Variants in CTU2 observed in about 807,000 individuals in gnomAD.
The protein encoded by CTU2 is cytosolic thiouridylase subunit 2, also known as cytoplasmic tRNA 2-thiolation protein 2.
CTU2 carries 80 observed loss-of-function variants against 64.1 expected under a neutral mutation model. The observed-to-expected ratio is 1.25, with a 90% CI of 1.04 to 1.50. CTU2 has a LOEUF of 1.50. Among genes scored for constraint, CTU2 ranks in the 40% most tolerant of loss-of-function variants. The pLI is 0.00. For synonymous variants in CTU2, 482 were observed against 285.3 expected, an observed-to-expected ratio of 1.69 and a Z score of -6.95; for missense variants, 1,110 against 690.2, an observed-to-expected ratio of 1.61 and a Z score of -6.81.
Position 88,710,254 on chromosome 16 carries a change from C to T in CTU2, c.254C>T (p.Ser85Phe), listed in dbSNP as rs767489235. 1 of 1,614,096 alleles carries T rather than the reference C, an allele frequency of 6.2e-7. No individual in the cohort carries two copies. The highest frequency in any genetic ancestry group is 8.5e-7 in the Non-Finnish European group (1 of 1,180,004). The change falls in exon 4 of 15, where the codon TCC becomes TTC. Residue 85 changes from serine to phenylalanine, a missense_variant. Ser to Phe is a radical substitution (Grantham distance 155). Coordinates refer to ENST00000453996, the MANE Select transcript of CTU2 (RefSeq NM_001012759.3). ...VLLAWSGGPSSSSMVWQVLEG... is the reference protein window; with the variant it reads ...VLLAWSGGPSFSSMVWQVLEG... ...TTGGCGTGGTCTGGGGGGCCTTCGT[C>T]CAGCTCCATGGTCTGGCAGGTTCTT...
chr16:88,715,111 TG>T lies in CTU2; in HGVS notation c.1478+9del. On this transcript the variant is annotated splice_donor_region_variant and intron_variant, in intron 14 of 14. Coordinates refer to ENST00000453996, the MANE Select transcript of CTU2 (RefSeq NM_001012759.3). ...GGCCCAGCTCCGCACACAGAGGTAC[TG>T]GGGCCCACACTGCCGTGGCGCGTGG... is the stretch of plus-strand genomic sequence containing the variant. The T allele has an allele frequency of 6.3e-7, 1 of 1,593,668 alleles. No individual in the cohort carries two copies. Among genetic ancestry groups the T allele is most frequent in the Non-Finnish European group, 8.5e-7 (1 of 1,170,078 alleles).
Position 88,713,340 on chromosome 16 carries a change from G to C in CTU2, c.766G>C (p.Ala256Pro), listed in dbSNP as rs1214937643. The C allele has an allele frequency of 6.3e-7, 1 of 1,597,990 alleles. No homozygotes were observed. The highest frequency in any genetic ancestry group is 1.7e-5 in the Admixed American group (1 of 58,538). ...CCACCTGATCCTCCACATGGCCCGA[G>C]CCCACGGCTACTCCAAGGTCATGAC... The part of the protein sequence containing the change: ...RTHLILHMAR[A>P]HGYSKVMTGD... Residue 256 changes from alanine to proline, a missense_variant, in exon 8 of 15, where the codon GCC becomes CCC. Transcript: ENST00000453996.
intron 14 of CTU2, 27 bp from the exon 15 acceptor site, chr16:88,715,155 T>C: frequency 2.5e-6 from 4 of 1,610,726 alleles, no homozygotes; most frequent in South Asian, 1.1e-5. Flanking sequence ...GCCTCGGGGC[T>C]GGTGCCCACT....
intron 2 of CTU2, among the ~76,000 whole-genome samples, chr16:88,707,808 TG>T (rs1911004285): frequency 1.3e-4 from 4 of 30,662 alleles, no homozygotes; most frequent in African/African-American, 4.3e-4. Flanking sequence ...TTGTTGTTGT[TG>T]TTGTTTTTTT....
intron 10 of CTU2, 28 bp downstream of exon 10, chr16:88,714,255 G>T (rs754958017): frequency 1.3e-6 from 2 of 1,598,906 alleles, no homozygotes; most frequent in South Asian, 1.1e-5. Context: ...TGTGTGCGGG[G>T]GGTGCGCGGG....
rs199536062 is a variant in CTU2, at chr16:88,713,693, T to G, written c.920T>G (p.Met307Arg). ...RHGDVVVVRPMRDHTLKEVAF... is the reference protein window; with the variant it reads ...RHGDVVVVRPRRDHTLKEVAF... ...GGGGACGTGGTGGTGGTGCGGCCCATGCGGGACCACACCCTGAAGGAGGTC... is the reference window on the plus strand; with the variant it reads ...GGGGACGTGGTGGTGGTGCGGCCCAGGCGGGACCACACCCTGAAGGAGGTC... Residue 307 changes from methionine (M) to arginine (R), a missense_variant, in exon 9 of 15, where the codon ATG (methionine) becomes AGG (arginine). Coordinates refer to ENST00000453996, the MANE Select transcript of CTU2 (RefSeq NM_001012759.3). The G allele has an allele frequency of 2.2e-5, 36 of 1,612,456 alleles. No individual in the cohort carries two copies. The highest frequency in any genetic ancestry group is 2.8e-5 in the Non-Finnish European group (33 of 1,179,868).
In CTU2 at chr16:88,714,132, C is replaced by G. The variant is rs906897106; in HGVS notation, c.1006-4C>G. 5.0e-6 allele frequency: 8 copies of G among 1,612,380 alleles called. No individual in the cohort carries two copies. In the African/African-American group the frequency reaches 9.3e-5, roughly 19 times the overall value. ...CCCATAGCCTCCAATCTGATTGTCC[C>G]TAGGCCCCTGAAAAGGCCAGCATCC... On this transcript the variant is annotated splice_polypyrimidine_tract_variant and splice_region_variant and intron_variant, in intron 9 of 14. Transcript: ENST00000453996.
intron 5 of CTU2, 150 bp downstream of exon 5, chr16:88,711,845 G>C (rs983609482): frequency 1.4e-6 from 1 of 697,214 alleles, no homozygotes. Flanking sequence ...TGAGGGCCTG[G>C]TGGGGACATC....
At position 88,715,281 on chromosome 16, in the gene CTU2, G is replaced by C. The variant is rs1182504037; in HGVS notation, c.*30G>C. 1 of 1,605,106 alleles carries C rather than the reference G, an allele frequency of 6.2e-7. No homozygotes were observed. Among genetic ancestry groups the C allele is most frequent in the Admixed American group, 1.7e-5 (1 of 59,578 alleles). On this transcript the variant is annotated 3_prime_UTR_variant, in exon 15 of 15. Coordinates refer to ENST00000453996, the MANE Select transcript of CTU2 (RefSeq NM_001012759.3). ...GAGGACGTGCTTGCCGGGACAGCAG[G>C]CAGTGGCCACCTGGTACACCACACT...
intron 2 of CTU2, chr16:88,709,634 C>T: frequency 2.4e-6 from 1 of 416,514 alleles, no homozygotes; most frequent in Non-Finnish European, 4.4e-6. Flanking sequence ...CAGCTGGGCC[C>T]TTCTGAGCGC....
In CTU2 at chr16:88,706,552, T is replaced by C; in HGVS notation, c.22T>C (p.Tyr8His). ...GCCCATGTGTCAGGTGGGCGAGGAC[T>C]ACGGGGAGCCGGCGCCTGAGGAGCC... is the stretch of plus-strand genomic sequence containing the variant. Reference protein sequence around the residue: MCQVGEDYGEPAPEEPPP... With the variant: MCQVGEDHGEPAPEEPPP... Residue 8 changes from tyrosine (Y) to histidine (H), a missense_variant, in exon 1 of 15, where the codon TAC (tyrosine) becomes CAC (histidine). Transcript: ENST00000453996. 6.9e-7 allele frequency: 1 copy of C among 1,459,338 alleles called. No individual in the cohort carries two copies. Among genetic ancestry groups the C allele is most frequent in the Non-Finnish European group, 9.0e-7 (1 of 1,112,772 alleles). The allele number at this position is 1,459,338 out of a possible 1,614,324, so 90.4% of individuals were successfully genotyped here.
intron 9 of CTU2, 83 bp from the exon 10 acceptor site, chr16:88,714,053 C>T (rs1036076265): frequency 9.5e-6 from 13 of 1,373,256 alleles, no homozygotes; most frequent in Non-Finnish European, 1.3e-5. Flanking sequence ...GCGTGGAACC[C>T]ACGGCACCTG....
At position 88,712,785 on chromosome 16, in the gene CTU2, C is replaced by A; in HGVS notation, c.617C>A (p.Pro206His). 3 of 1,607,908 alleles carry A rather than the reference C, an allele frequency of 1.9e-6. No homozygotes were observed. The highest frequency in any genetic ancestry group is 2.5e-6 in the Non-Finnish European group (3 of 1,177,816). The change falls in exon 7 of 15, where the codon CCC (proline) becomes CAC (histidine). Residue 206 changes from proline (P) to histidine (H), a missense_variant. By Grantham distance (77) the Pro-to-His change is moderately conservative. Transcript: ENST00000453996. ...PTQGEEQPPQPPLDPQNLARP... is the reference protein window; with the variant it reads ...PTQGEEQPPQHPLDPQNLARP... ...CAAGGGGAGGAACAGCCACCCCAGC[C>A]CCCGCTGGACCCCCAGAACCTGGCA... is the stretch of plus-strand genomic sequence containing the variant.
intron 2 of CTU2, among the ~76,000 whole-genome samples, chr16:88,707,671 A>T (rs1348430926): frequency 6.6e-6 from 1 of 152,050 alleles, no homozygotes; most frequent in African/African-American, 2.4e-5. Context: ...GGCGCTTGTC[A>T]TGTCTTTCTT....
At chr16:88,711,198 C>A (rs2142717501) in intron 4 of CTU2, among the ~76,000 whole-genome samples, 1 of 152,286 alleles carries the variant, frequency 6.6e-6, no homozygotes, top group Middle Eastern at 3.4e-3. Flanking sequence ...CTGGCCCAGC[C>A]CTCTGTGTAA....
rs370661454 is a variant in CTU2 at position 88,714,411 on chromosome 16, C to A, written c.1126C>A (p.Arg376=). 6.2e-7 allele frequency: 1 copy of A among 1,612,520 alleles called. No homozygotes were observed. The highest frequency in any genetic ancestry group is 8.5e-7 in the Non-Finnish European group (1 of 1,179,832). Residue 376 remains arginine (R), a synonymous_variant, in exon 11 of 15, where the codon CGG becomes AGG. Transcript: ENST00000453996. ...AAGTGAGAAGCTGGTGAAGGGCCCC[C>A]GGGATGGCCCTGCTGCTGGCGACTC... ...RTSEKLVKGP[R]DGPAAGDSGP...
Position 88,706,586 on chromosome 16 carries a change from C to G in CTU2, c.56C>G (p.Ala19Gly). Residue 19 changes from alanine (A) to glycine (G), a missense_variant, in exon 1 of 15, where the codon GCG becomes GGG. By Grantham distance (60) the Ala-to-Gly change is moderately conservative. Transcript: ENST00000453996. ...GEPAPEEPPP[A>G]PRPSREQKCV... is the part of the protein sequence containing the mutation. ...CCGGCGCCTGAGGAGCCGCCCCCGGCGCCGCGGCCCAGGTAAGAGCTGGCG... is the reference window on the plus strand; with the variant it reads ...CCGGCGCCTGAGGAGCCGCCCCCGGGGCCGCGGCCCAGGTAAGAGCTGGCG... 6.9e-7 allele frequency: 1 copy of G among 1,452,726 alleles called. No homozygotes were observed. The highest frequency in any genetic ancestry group is 9.0e-7 in the Non-Finnish European group (1 of 1,109,634). 90.0% of individuals were successfully genotyped at this position (1,452,726 alleles called of 1,614,324 possible).
At position 88,714,427 on chromosome 16, in the gene CTU2, C is replaced by T. The variant is rs1436959668; in HGVS notation, c.1142C>T (p.Ala381Val). The change falls in exon 11 of 15, where the codon GCT becomes GTT. Residue 381 changes from alanine to valine, a missense_variant. Ala to Val is a moderately conservative substitution (Grantham distance 64). Transcript: ENST00000453996. ...AAGGGCCCCCGGGATGGCCCTGCTG[C>T]TGGCGACTCCGGCCCCCGCTGCCTC... ...LVKGPRDGPAAGDSGPRCLLC... is the reference protein window; with the variant it reads ...LVKGPRDGPAVGDSGPRCLLC... 4 of 1,612,396 alleles carry T rather than the reference C, an allele frequency of 2.5e-6. No individual in the cohort carries two copies. The highest frequency in any genetic ancestry group is 2.7e-5 in the African/African-American group (2 of 74,904).
At chr16:88,712,928 TCCCCGGG>T (rs765994689) in intron 7 of CTU2, 23 bp downstream of exon 7, 1 of 1,193,282 alleles carries the variant, frequency 8.4e-7, no homozygotes, top group Non-Finnish European at 1.1e-6. Context: ...GAGCCCCCCT[TCCCCGGG>T]CCCTGACCCC....
Sources: gnomAD v4.1 joint callset for allele counts (sites outside exome capture counted in the v4.1 genomes callset) on GRCh38, gnomAD v4.1.1 for gene constraint, MANE v1.5 for transcripts, NCBI Gene and HGNC (gene_info 2026-07-23, HGNC 2026-07-21) for gene names.